Variants in PIM1 observed in about 807,000 individuals in gnomAD.
The protein encoded by PIM1 is serine/threonine-protein kinase pim-1.
Under a neutral mutation model 34.5 loss-of-function variants are expected in PIM1, and 9 were observed. The observed-to-expected ratio is 0.26, with a 90% confidence interval of 0.16 to 0.46. The LOEUF is 0.46. PIM1 is among the 20% of genes least tolerant of loss of function. PIM1 has a pLI of 1.00. For missense variants in PIM1, 274 were observed against 410.9 expected, an observed-to-expected ratio of 0.67 and a Z score of 2.88; for synonymous variants, 199 against 175.2, an observed-to-expected ratio of 1.14 and a Z score of -1.07.
intron 5 of PIM1, 89 bp downstream of exon 5, chr6:37,173,261 T>C: frequency 8.5e-7 from 1 of 1,172,952 alleles, no homozygotes; most frequent in Non-Finnish European, 1.2e-6. Context: ...TCTGGAGAGC[T>C]TCACTCTCCA....
chr6:37,174,322 C>G lies in PIM1; in HGVS notation c.*231C>G, dbSNP rs1762365303. 1 of 314,840 alleles carries G rather than the reference C, an allele frequency of 3.2e-6. No homozygotes were observed. The highest frequency in any genetic ancestry group is 2.4e-5 in the African/African-American group (1 of 41,756). The allele number at this position is 314,840 out of a possible 1,614,324, so 19.5% of individuals were successfully genotyped here. A position where few individuals can be genotyped will look rare whatever the true frequency, so the allele number is the denominator to read the frequency against. ...GGCCTCAACTCCTCCCATAGATACT[C>G]TCTTCTTCTCATAGGTGTCCAGCAT... On this transcript the variant is annotated 3_prime_UTR_variant, in exon 6 of 6. Transcript: ENST00000373509.
rs551680157 is a variant in PIM1 at position 37,170,842 on chromosome 6, C to G, written c.152C>G (p.Ser51Trp). The change falls in exon 2 of 6, where the codon TCG becomes TGG. Residue 51 changes from serine to tryptophan, a missense_variant. Transcript: ENST00000373509. ...CTACTGGGCAGCGGCGGCTTCGGCTCGGTCTACTCAGGCATCCGCGTCTCC... is the reference window on the plus strand; with the variant it reads ...CTACTGGGCAGCGGCGGCTTCGGCTGGGTCTACTCAGGCATCCGCGTCTCC... ...GPLLGSGGFG[S>W]VYSGIRVSDN... is the part of the protein sequence containing the mutation. 3 of 1,612,754 alleles carry G rather than the reference C, an allele frequency of 1.9e-6. No individual in the cohort carries two copies. Among genetic ancestry groups the G allele is most frequent in the African/African-American group, 1.3e-5 (1 of 74,914 alleles).
rs887293046 is a variant in PIM1 at position 37,175,206 on chromosome 6, C to T, written c.*1115C>T. On this transcript the variant is annotated 3_prime_UTR_variant, in exon 6 of 6. Coordinates refer to ENST00000373509, the MANE Select transcript of PIM1 (RefSeq NM_002648.4). ...CTCACCTACTTACCCAGGTGGGTCCCGGCTCTGTGGGTGATGGGGAGGGGC... is the reference window on the plus strand; with the variant it reads ...CTCACCTACTTACCCAGGTGGGTCCTGGCTCTGTGGGTGATGGGGAGGGGC... 9.4e-5 allele frequency: 22 copies of T among 233,522 alleles called. No individual in the cohort carries two copies. The highest frequency in any genetic ancestry group is 1.8e-4 in the South Asian group (1 of 5,516). 14.5% of individuals were successfully genotyped at this position (233,522 alleles called of 1,614,324 possible).
At chr6:37,172,498 T>C (rs1370922850) in intron 4 of PIM1, 2 of 437,204 alleles carry the variant, frequency 4.6e-6, no homozygotes, top group Non-Finnish European at 9.2e-6. Flanking sequence ...TGCTCCTGCT[T>C]GCATCGGGTG....
chr6:37,171,585 A>G (rs1762287199), intron 4 of PIM1, 94 bp downstream of exon 4: 11 of 1,469,822 alleles, frequency 7.5e-6, no homozygotes, highest in Non-Finnish European at 1.0e-5. Flanking sequence ...AGCCTTTTGT[A>G]AAGGTCATTG....
chr6:37,170,171 G>C lies in PIM1; in HGVS notation c.-405G>C. 2.0e-6 allele frequency: 2 copies of C among 998,604 alleles called. No individual in the cohort carries two copies. The highest frequency in any genetic ancestry group is 2.5e-6 in the Non-Finnish European group (2 of 796,394). The allele number at this position is 998,604 out of a possible 1,614,324, so 61.9% of individuals were successfully genotyped here. A position where few individuals can be genotyped will look rare whatever the true frequency, so the allele number is the denominator to read the frequency against. On this transcript the variant is annotated 5_prime_UTR_variant, in exon 1 of 6. Coordinates refer to ENST00000373509, the MANE Select transcript of PIM1 (RefSeq NM_002648.4). ...CCCTTTACTCCTGGCTGCGGGGCGA[G>C]CCGGGCGTCTGCTGCAGCGGCCGCG...
At position 37,173,187 on chromosome 6, in the gene PIM1, C is replaced by G. The variant is rs1762339332; in HGVS notation, c.784+15C>G. The stretch of plus-strand genomic sequence containing the variant: ...GGTCTCTTCAGGTAACTGATGGAAA[C>G]CCCTGGCCATGGGGTTATTGGTCTT... On this transcript the variant is annotated intron_variant, in intron 5 of 5. Transcript: ENST00000373509. 6.2e-7 allele frequency: 1 copy of G among 1,613,502 alleles called. No homozygotes were observed.
At chr6:37,170,683 C>T in intron 1 of PIM1, 26 bp downstream of exon 1, 1 of 1,606,440 alleles carries the variant, frequency 6.2e-7, no homozygotes, top group South Asian at 1.1e-5. Flanking sequence ...GCCTCCGGCC[C>T]GGGGATGCGG....
Position 37,170,500 on chromosome 6 carries a change from T to C in PIM1, c.-76T>C. ...ACAGCCACAGCCCCAGGCATAGCCT[T>C]CGGCACAGCCCCGGCTCCGGCTCCT... On this transcript the variant is annotated 5_prime_UTR_variant, in exon 1 of 6. Transcript: ENST00000373509. 6.3e-7 allele frequency: 1 copy of C among 1,598,218 alleles called. No homozygotes were observed. Among genetic ancestry groups the C allele is most frequent in the Non-Finnish European group, 8.5e-7 (1 of 1,175,374 alleles).
In PIM1 at chr6:37,171,481, G is replaced by A. The variant is rs1428177105; in HGVS notation, c.597G>A (p.Thr199=). ...SGALLKDTVY[T]DFDGTRVYSP... ...CGCTGCTCAAGGACACCGTCTACAC[G>A]GACTTCGATGGTGAGCCAGGCCCGG... The change falls in exon 4 of 6, where the codon ACG becomes ACA. Residue 199 remains threonine (T), a synonymous_variant. Transcript: ENST00000373509. The A allele has an allele frequency of 3.1e-6, 5 of 1,613,154 alleles. No individual in the cohort carries two copies. In the East Asian group the frequency reaches 8.9e-5, roughly 29 times the overall value.
Position 37,171,107 on chromosome 6 carries a change from GCC to G in PIM1, c.241-14_241-13del. The G allele has an allele frequency of 6.2e-7, 1 of 1,613,750 alleles. No individual in the cohort carries two copies. The highest frequency in any genetic ancestry group is 1.7e-4 in the Middle Eastern group (1 of 6,060). ...CGCCCCCGACTCCCGCCCTAACGCGGCCCCCTCGCCCCTGCAGCCTAATGGCA... is the reference window on the plus strand; with the variant it reads ...CGCCCCCGACTCCCGCCCTAACGCGGCCCTCGCCCCTGCAGCCTAATGGCA... On this transcript the variant is annotated splice_polypyrimidine_tract_variant and intron_variant, in intron 3 of 5. Transcript: ENST00000373509.
chr6:37,172,876 T>C (rs985949849), intron 4 of PIM1, 120 bp from the exon 5 acceptor site: 1 of 875,388 alleles, frequency 1.1e-6, no homozygotes, highest in Non-Finnish European at 1.8e-6. Context: ...GGAGTTCACC[T>C]AGCTCCTGAG....
Position 37,174,186 on chromosome 6 carries a change from C to T in PIM1, c.*95C>T. 2.5e-6 allele frequency: 3 copies of T among 1,221,366 alleles called. No homozygotes were observed. Among genetic ancestry groups the T allele is most frequent in the Non-Finnish European group, 3.5e-6 (3 of 868,482 alleles). 75.7% of individuals were successfully genotyped at this position (1,221,366 alleles called of 1,614,324 possible). A position where few individuals can be genotyped will look rare whatever the true frequency, so the allele number is the denominator to read the frequency against. ...TCCCGAGTACCAGTGACACGTCTCG[C>T]CAAGCAGGACAGTGCTTGATACAGG... On this transcript the variant is annotated 3_prime_UTR_variant, in exon 6 of 6. Coordinates refer to ENST00000373509, the MANE Select transcript of PIM1 (RefSeq NM_002648.4).
rs540343796 is a variant in PIM1 at position 37,170,482 on chromosome 6, C to T, written c.-94C>T. 26 of 1,579,878 alleles carry T rather than the reference C, an allele frequency of 1.6e-5. No individual in the cohort carries two copies. The East Asian group carries it at 6.1e-4, about 37-fold the overall frequency. Reference sequence around the variant, plus strand: ...CCACCCGCAGCCACAGCCACAGCCACAGCCCCAGGCATAGCCTTCGGCACA... The same window carrying T: ...CCACCCGCAGCCACAGCCACAGCCATAGCCCCAGGCATAGCCTTCGGCACA... On this transcript the variant is annotated 5_prime_UTR_variant, in exon 1 of 6. Transcript: ENST00000373509.
rs1249921400 is a variant in PIM1 at position 37,170,478 on chromosome 6, G to C, written c.-98G>C. On this transcript the variant is annotated 5_prime_UTR_variant, in exon 1 of 6. Transcript: ENST00000373509. ...AACGCCACCCGCAGCCACAGCCACA[G>C]CCACAGCCCCAGGCATAGCCTTCGG... The C allele has an allele frequency of 6.3e-7, 1 of 1,575,372 alleles. No homozygotes were observed. The highest frequency in any genetic ancestry group is 8.6e-7 in the Non-Finnish European group (1 of 1,166,226).
Position 37,170,185 on chromosome 6 carries a change from G to C in PIM1, c.-391G>C. ...CTGCGGGGCGAGCCGGGCGTCTGCT[G>C]CAGCGGCCGCGGTGGCTGAGGAGGC... On this transcript the variant is annotated 5_prime_UTR_variant, in exon 1 of 6. Transcript: ENST00000373509. 1 of 1,113,548 alleles carries C rather than the reference G, an allele frequency of 9.0e-7. No homozygotes were observed. The highest frequency in any genetic ancestry group is 2.3e-5 in the South Asian group (1 of 43,104). The allele number at this position is 1,113,548 out of a possible 1,614,324, so 69.0% of individuals were successfully genotyped here.
intron 4 of PIM1, chr6:37,172,629 G>GATAGTCT (rs1561983813): frequency 4.2e-6 from 2 of 471,300 alleles, no homozygotes; most frequent in Admixed American, 4.7e-5. Flanking sequence ...GCAATTTAAG[G>GATAGTCT]ATAGTCTATG....
Position 37,170,758 on chromosome 6 carries a change from T to C in PIM1, c.83-15T>C, listed in dbSNP as rs992057909. 2 of 1,611,410 alleles carry C rather than the reference T, an allele frequency of 1.2e-6. No individual in the cohort carries two copies. Among genetic ancestry groups the C allele is most frequent in the East Asian group, 4.5e-5 (2 of 44,826 alleles). Reference sequence around the variant, plus strand: ...GCGGGCCGGCACTGAGTCCCCGTGCTTCCCCCTTTCCTAGGCAAGGAGAAG... The same window carrying C: ...GCGGGCCGGCACTGAGTCCCCGTGCCTCCCCCTTTCCTAGGCAAGGAGAAG... On this transcript the variant is annotated splice_polypyrimidine_tract_variant and intron_variant, in intron 1 of 5. Coordinates refer to ENST00000373509, the MANE Select transcript of PIM1 (RefSeq NM_002648.4).
At position 37,170,368 on chromosome 6, in the gene PIM1, G is replaced by T. The variant is rs762963934; in HGVS notation, c.-208G>T. ...CAGCGCTGCCCGACCCCGCTGGCGC[G>T]CCCTCCCGCCGCCAGTCCCGGCAGC... On this transcript the variant is annotated 5_prime_UTR_variant, in exon 1 of 6. Coordinates refer to ENST00000373509, the MANE Select transcript of PIM1 (RefSeq NM_002648.4). The T allele has an allele frequency of 6.6e-7, 1 of 1,519,398 alleles. No homozygotes were observed. The highest frequency in any genetic ancestry group is 8.8e-7 in the Non-Finnish European group (1 of 1,139,598). The allele number at this position is 1,519,398 out of a possible 1,614,324, so 94.1% of individuals were successfully genotyped here. A position where few individuals can be genotyped will look rare whatever the true frequency, so the allele number is the denominator to read the frequency against.
Sources: gnomAD v4.1 joint callset for allele counts on GRCh38, gnomAD v4.1.1 for gene constraint, MANE v1.5 for transcripts, NCBI Gene and HGNC (gene_info 2026-07-23, HGNC 2026-07-21) for gene names.